RBFOX1: variants seen among roughly 807,000 people sequenced by gnomAD.
The protein encoded by RBFOX1 is RNA binding fox-1 homolog 1.
A neutral mutation model predicts 57.7 loss-of-function variants in RBFOX1; 8 were observed. The observed-to-expected ratio is 0.14, with a 90% CI of 0.08 to 0.25. The LOEUF (loss-of-function observed/expected upper bound fraction) is 0.25, where lower values mean the gene tolerates loss of function less well. RBFOX1 is among the 10% of genes least tolerant of loss of function. The pLI is 1.00. For synonymous variants in RBFOX1, 326 were observed against 222.4 expected, an observed-to-expected ratio of 1.47 and a Z score of -4.15; for missense variants, 611 against 548.5, an observed-to-expected ratio of 1.11 and a Z score of -1.14.
intron 3 of RBFOX1, among the ~76,000 whole-genome samples, chr16:7,001,044 C>G (rs138583936): frequency 6.6e-6 from 1 of 152,128 alleles, no homozygotes; most frequent in Non-Finnish European, 1.5e-5. Context: ...AATACTTGTA[C>G]AGAGAAAAAT....
chr16:6,504,659 C>G (rs774879062), intron 2 of RBFOX1, among the ~76,000 whole-genome samples: 1 of 152,134 alleles, frequency 6.6e-6, no homozygotes, highest in Non-Finnish European at 1.5e-5. Flanking sequence ...TGTCCCACTG[C>G]CATGTTTTCC....
At chr16:5,434,724 G>A (rs543581218) in intron 1 of RBFOX1, among the ~76,000 whole-genome samples, 33 of 152,156 alleles carry the variant, frequency 2.2e-4, no homozygotes, top group Non-Finnish European at 4.0e-4. Context: ...GAAATGTAAG[G>A]GATTTAGCTT....
At chr16:6,059,838 A>C (rs927406295) in intron 1 of RBFOX1, among the ~76,000 whole-genome samples, 2 of 152,200 alleles carry the variant, frequency 1.3e-5, no homozygotes, top group Non-Finnish European at 2.9e-5. Flanking sequence ...GCATTTAGCC[A>C]TGATTCCAGG....
intron 1 of RBFOX1, among the ~76,000 whole-genome samples, chr16:6,152,187 AT>A (rs1469246746): frequency 6.6e-6 from 1 of 152,220 alleles, no homozygotes; most frequent in African/African-American, 2.4e-5. Flanking sequence ...CTGGCATAAT[AT>A]TGTCTGAGTC....
intron 2 of RBFOX1, among the ~76,000 whole-genome samples, chr16:5,571,775 G>A (rs535073426): frequency 2.0e-5 from 3 of 152,172 alleles, no homozygotes; most frequent in African/African-American, 4.8e-5. Flanking sequence ...AGAAGCTCAG[G>A]GTCCTTGTTC....
At position 5,810,446 on chromosome 16, in the gene RBFOX1, AT is replaced by A. The variant is rs1222647023; in HGVS notation, c.319-56852del. 2.0e-5 allele frequency among the ~76,000 whole-genome samples: 3 copies of A among 152,190 alleles called. No homozygotes were observed. The South Asian group carries it at 6.2e-4, about 31-fold the overall frequency. On this transcript the variant is annotated intron_variant, in intron 3 of 19. Transcript: ENST00000641259. ...TTTAGTCCAGAATTGTGGAAAATTA[AT>A]TTTTGTTGCATAAGCACCCAGCCTG... is the stretch of plus-strand genomic sequence containing the variant.
chr16:7,130,462 A>G (rs1367627983), intron 4 of RBFOX1, among the ~76,000 whole-genome samples: 1 of 152,188 alleles, frequency 6.6e-6, no homozygotes, highest in Non-Finnish European at 1.5e-5. Flanking sequence ...TTTAGGCAAA[A>G]GTGATCATCT....
chr16:6,799,011 T>A (rs1226668427), intron 3 of RBFOX1, among the ~76,000 whole-genome samples: 2 of 152,110 alleles, frequency 1.3e-5, no homozygotes, highest in Non-Finnish European at 2.9e-5. Context: ...ATGGGTATAT[T>A]TTGTTGCCAT....
intron 3 of RBFOX1, among the ~76,000 whole-genome samples, chr16:5,725,188 A>G (rs1268477537): frequency 3.3e-5 from 5 of 152,282 alleles, no homozygotes; most frequent in Middle Eastern, 3.4e-3. Flanking sequence ...GAGCATGCCA[A>G]AACAATCCCT....
At chr16:5,732,031 C>T (rs1486148047) in intron 3 of RBFOX1, among the ~76,000 whole-genome samples, 1 of 152,204 alleles carries the variant, frequency 6.6e-6, no homozygotes, top group African/African-American at 2.4e-5. Context: ...AGCCTCATTG[C>T]AGCCACGCAC....
chr16:6,236,750 C>G (rs912434687), intron 1 of RBFOX1, among the ~76,000 whole-genome samples: 2 of 152,134 alleles, frequency 1.3e-5, no homozygotes, highest in Non-Finnish European at 2.9e-5. Context: ...CACGTCTGGC[C>G]TTATTATGAT....
intron 3 of RBFOX1, among the ~76,000 whole-genome samples, chr16:6,823,834 A>G (rs913068530): frequency 2.0e-5 from 3 of 152,180 alleles, no homozygotes; most frequent in East Asian, 1.9e-4. Context: ...CCAGGTAATC[A>G]GAGAAATAGA....
chr16:7,305,825 T>C (rs1038218020), intron 4 of RBFOX1, among the ~76,000 whole-genome samples: 1 of 152,222 alleles, frequency 6.6e-6, no homozygotes, highest in African/African-American at 2.4e-5. Context: ...ATTACGTTCA[T>C]TATTGAGTAA....
chr16:6,841,753 C>T lies in RBFOX1; in HGVS notation c.-16+187103C>T, dbSNP rs183369727. 3.3e-3 allele frequency among the ~76,000 whole-genome samples: 508 copies of T among 152,178 alleles called. 4 individuals are homozygous for T. The highest frequency in any genetic ancestry group is 0.012 in the African/African-American group (485 of 41,512). ...GGATGTGGTCCCACCTCTACTTAAA[C>T]CTGGACCATGCAGCTTAAGGGTTCC... is the stretch of plus-strand genomic sequence containing the variant. On this transcript the variant is annotated intron_variant, in intron 3 of 15. Coordinates refer to ENST00000550418, the MANE Select transcript of RBFOX1 (RefSeq NM_018723.4).
chr16:6,610,163 G>A (rs887638149), intron 2 of RBFOX1, among the ~76,000 whole-genome samples: 1 of 152,174 alleles, frequency 6.6e-6, no homozygotes, highest in Non-Finnish European at 1.5e-5. Flanking sequence ...AAAGCCTGAA[G>A]CTCTTCGGTG....
intron 3 of RBFOX1, among the ~76,000 whole-genome samples, chr16:6,944,561 A>C (rs1020623399): frequency 6.6e-6 from 1 of 152,182 alleles, no homozygotes; most frequent in African/African-American, 2.4e-5. Context: ...TAGACCTCTT[A>C]GGAAATGTGT....
chr16:6,811,048 G>C (rs2088417150), intron 3 of RBFOX1, among the ~76,000 whole-genome samples: 7 of 152,162 alleles, frequency 4.6e-5, no homozygotes, highest in Admixed American at 3.3e-4. Flanking sequence ...ATGATGATAA[G>C]ATACCCCGAA....
chr16:6,820,565 A>T (rs2091097099), intron 3 of RBFOX1, among the ~76,000 whole-genome samples: 1 of 152,138 alleles, frequency 6.6e-6, no homozygotes, highest in African/African-American at 2.4e-5. Context: ...ATGGTGAGGC[A>T]GGAAGATTTT....
At chr16:6,603,093 T>G (rs1232289065) in intron 2 of RBFOX1, among the ~76,000 whole-genome samples, 1 of 152,206 alleles carries the variant, frequency 6.6e-6, no homozygotes, top group Non-Finnish European at 1.5e-5. Flanking sequence ...AATTTGCAAG[T>G]GGAAACTAAT....
Sources: gnomAD v4.1 joint callset for allele counts (sites outside exome capture counted in the v4.1 genomes callset) on GRCh38, gnomAD v4.1.1 for gene constraint, MANE v1.5 for transcripts, NCBI Gene and HGNC (gene_info 2026-07-23, HGNC 2026-07-21) for gene names.